BIRC3: variants seen among roughly 807,000 people sequenced by gnomAD.
The protein encoded by BIRC3 is baculoviral IAP repeat-containing protein 3.
In BIRC3, 26 loss-of-function variants were observed where a neutral mutation model predicts 59.0. That is an observed-to-expected ratio of 0.44 (90% CI 0.32 to 0.61). The LOEUF (loss-of-function observed/expected upper bound fraction) is 0.61, where lower values mean the gene tolerates loss of function less well. Among genes scored for constraint, BIRC3 ranks in the 20% least tolerant of loss-of-function variants. BIRC3 has a pLI of 0.04. For synonymous variants in BIRC3, 243 were observed against 249.2 expected, an observed-to-expected ratio of 0.98 and a Z score of 0.24; for missense variants, 641 against 711.5, an observed-to-expected ratio of 0.90 and a Z score of 1.13.
At chr11:102,328,821 T>G in intron 4 of BIRC3, 76 bp from the exon 5 acceptor site, 1 of 569,088 alleles carries the variant, frequency 1.8e-6, no homozygotes, top group Non-Finnish European at 2.5e-6. Context: ...TTGGGTCATT[T>G]TCATTGCAAT....
intron 5 of BIRC3, among the ~76,000 whole-genome samples, chr11:102,329,196 G>A (rs1236746446): frequency 6.6e-6 from 1 of 152,078 alleles, no homozygotes; most frequent in Non-Finnish European, 1.5e-5. Flanking sequence ...CTAAAGGTGG[G>A]GCTCAGGCAT....
At chr11:102,326,973 A>G in intron 3 of BIRC3, 1 of 344,682 alleles carries the variant, frequency 2.9e-6, no homozygotes, top group Non-Finnish European at 5.7e-6. Context: ...GGCCAACATC[A>G]GTGTGTTTTA....
At chr11:102,328,256 A>G in intron 4 of BIRC3, 126 bp downstream of exon 4, 2 of 728,870 alleles carry the variant, frequency 2.7e-6, no homozygotes, top group South Asian at 3.5e-5. Flanking sequence ...TTTTCTTATC[A>G]AACCTGACAT....
At chr11:102,329,345 T>C (rs1951115576) in intron 5 of BIRC3, among the ~76,000 whole-genome samples, 1 of 152,196 alleles carries the variant, frequency 6.6e-6, no homozygotes, top group Non-Finnish European at 1.5e-5. Flanking sequence ...GTCACCTTTT[T>C]AAATAGGGAC....
chr11:102,330,481 T>C (rs1333622111), intron 5 of BIRC3, among the ~76,000 whole-genome samples: 1 of 152,190 alleles, frequency 6.6e-6, no homozygotes, highest in Admixed American at 6.5e-5. Flanking sequence ...GTAAGACACT[T>C]TATTTTGGAT....
intron 6 of BIRC3, among the ~76,000 whole-genome samples, chr11:102,334,046 AC>A (rs1484490147): frequency 4.4e-4 from 67 of 152,272 alleles, no homozygotes; most frequent in Admixed American, 8.5e-4. Flanking sequence ...TTGAAATGAG[AC>A]TTTTTCTCAG....
intron 6 of BIRC3, among the ~76,000 whole-genome samples, 199 bp downstream of exon 6, chr11:102,331,440 T>G (rs1336411140): frequency 6.6e-6 from 1 of 152,248 alleles, no homozygotes; most frequent in Non-Finnish European, 1.5e-5. Flanking sequence ...GTCAAAAATG[T>G]ATGATGTACA....
In BIRC3 at chr11:102,323,961, T is replaced by C. The variant is rs17885946; in HGVS notation, c.-549T>C. On this transcript the variant is annotated 5_prime_UTR_variant, in exon 2 of 9. Transcript: ENST00000263464. ...TATGGTAATGTATTATTTTCCTCCT[T>C]TGAGTTAGGTCTTGTGCTTTTTTTT... is the stretch of plus-strand genomic sequence containing the variant. 2,947 of 205,356 alleles carry C rather than the reference T, an allele frequency of 0.014. 92 individuals are homozygous for C. Among genetic ancestry groups the C allele is most frequent in the African/African-American group, 0.06 (2,612 of 43,894 alleles). The allele number at this position is 205,356 out of a possible 1,614,324, so 12.7% of individuals were successfully genotyped here. A position where few individuals can be genotyped will look rare whatever the true frequency, so the allele number is the denominator to read the frequency against.
intron 5 of BIRC3, among the ~76,000 whole-genome samples, chr11:102,329,804 G>A (rs1951121263): frequency 6.6e-6 from 1 of 152,288 alleles, no homozygotes; most frequent in East Asian, 1.9e-4. Flanking sequence ...GGGGATGTGG[G>A]AGGGATAGCA....
intron 6 of BIRC3, among the ~76,000 whole-genome samples, chr11:102,335,197 G>A (rs776730045): frequency 2.6e-4 from 40 of 152,272 alleles, no homozygotes; most frequent in Non-Finnish European, 5.6e-4. Flanking sequence ...AGCTGAGATC[G>A]CACCACTGCA....
At position 102,331,108 on chromosome 11, in the gene BIRC3, G is replaced by C; in HGVS notation, c.1191G>C (p.Gln397His). 6.2e-7 allele frequency: 1 copy of C among 1,613,768 alleles called. No homozygotes were observed. Among genetic ancestry groups the C allele is most frequent in the Non-Finnish European group, 8.5e-7 (1 of 1,179,858 alleles). Residue 397 changes from glutamine (Q) to histidine (H), a missense_variant, in exon 6 of 9, where the codon CAG becomes CAC. By Grantham distance (24) the Gln-to-His change is conservative. Transcript: ENST00000263464. Reference sequence around the variant, plus strand: ...GCTTTAGTAGAAGCCTGGTAAAACAGACAGTTCAGAGAAAAATCCTAGCAA... The same window carrying C: ...GCTTTAGTAGAAGCCTGGTAAAACACACAGTTCAGAGAAAAATCCTAGCAA... Reference protein sequence around the residue: ...EMGFSRSLVKQTVQRKILATG... With the variant: ...EMGFSRSLVKHTVQRKILATG...
intron 3 of BIRC3, among the ~76,000 whole-genome samples, chr11:102,326,021 A>G (rs1332364797): frequency 6.6e-6 from 1 of 152,162 alleles, no homozygotes; most frequent in Non-Finnish European, 1.5e-5. Flanking sequence ...CATAAGTTAA[A>G]TATTATATCT....
intron 6 of BIRC3, among the ~76,000 whole-genome samples, chr11:102,334,375 T>C (rs1305139254): frequency 1.3e-5 from 2 of 152,238 alleles, no homozygotes; most frequent in Non-Finnish European, 2.9e-5. Flanking sequence ...TTCTAGCTCC[T>C]GACCCTTTTC....
Position 102,331,015 on chromosome 11 carries a change from TGGA to T in BIRC3, c.1100_1102del (p.Gly367del), listed in dbSNP as rs1456566288. ...TCCATATAGTTATCCATTTTGAACC[TGGA>T]GAAGACCATTCAGAAGATGCAATCA... is the stretch of plus-strand genomic sequence containing the variant. On this transcript the variant is annotated inframe_deletion, in exon 6 of 9. Coordinates refer to ENST00000263464, the MANE Select transcript of BIRC3 (RefSeq NM_001165.5). The T allele has an allele frequency of 6.2e-7, 1 of 1,611,506 alleles. No individual in the cohort carries two copies. Among genetic ancestry groups the T allele is most frequent in the Non-Finnish European group, 8.5e-7 (1 of 1,179,108 alleles).
At chr11:102,334,804 C>T (rs541811809) in intron 6 of BIRC3, among the ~76,000 whole-genome samples, 5 of 152,040 alleles carry the variant, frequency 3.3e-5, no homozygotes, top group Non-Finnish European at 7.4e-5. Context: ...TCTTGTAGGA[C>T]GAGAAGGTAG....
At chr11:102,328,972 C>A (rs1951112739) in intron 5 of BIRC3, 27 bp downstream of exon 5, 1 of 1,317,306 alleles carries the variant, frequency 7.6e-7, no homozygotes. Context: ...ATAATGAATG[C>A]ATTTAAATAG....
rs998326954 is a variant in BIRC3 at position 102,336,763 on chromosome 11, A to G, written c.1583A>G (p.Gln528Arg). The G allele has an allele frequency of 1.2e-6, 2 of 1,606,862 alleles. No homozygotes were observed. The highest frequency in any genetic ancestry group is 1.7e-6 in the Non-Finnish European group (2 of 1,176,576). Residue 528 changes from glutamine (Q) to arginine (R), a missense_variant, in exon 8 of 9, where the codon CAA becomes CGA. This residue lies in a region of BIRC3 where 268 missense variants were observed against 255.7 expected (regional missense o/e 1.05). Coordinates refer to ENST00000263464, the MANE Select transcript of BIRC3 (RefSeq NM_001165.5). ...GCTTTTTCTTTTTCTCCCTTAGTGCAACAGGACATAAAATATATTCCCACA... is the reference window on the plus strand; with the variant it reads ...GCTTTTTCTTTTTCTCCCTTAGTGCGACAGGACATAAAATATATTCCCACA... ...EAVLYEHLFV[Q>R]QDIKYIPTED...
Position 102,337,940 on chromosome 11 carries a change from A to T in BIRC3, c.*838A>T. ...GAGACAAGAATCAAACAGTCCCTTT[A>T]GTAAGTTTGTTTATTCACTTCTCTA... On this transcript the variant is annotated 3_prime_UTR_variant, in exon 9 of 9. Transcript: ENST00000263464. 4.4e-6 allele frequency: 1 copy of T among 226,536 alleles called. No individual in the cohort carries two copies. The highest frequency in any genetic ancestry group is 8.8e-6 in the Non-Finnish European group (1 of 113,842). The allele number at this position is 226,536 out of a possible 1,614,324, so 14.0% of individuals were successfully genotyped here.
chr11:102,337,997 C>T lies in BIRC3; in HGVS notation c.*895C>T, dbSNP rs953733478. 2.2e-5 allele frequency: 5 copies of T among 226,512 alleles called. No homozygotes were observed. The highest frequency in any genetic ancestry group is 1.1e-4 in the African/African-American group (5 of 44,980). 14.0% of individuals were successfully genotyped at this position (226,512 alleles called of 1,614,324 possible). On this transcript the variant is annotated 3_prime_UTR_variant, in exon 9 of 9. Transcript: ENST00000263464. ...CATTCAAGAAGTCTCATGCCAGCCC[C>T]ACCTATTGGAAGAAGGTCTGAGTTT...
Sources: allele counts gnomAD v4.1 joint callset (sites outside exome capture counted in the v4.1 genomes callset), GRCh38; gene constraint gnomAD v4.1.1; regional missense constraint gnomAD v4.1.1; transcripts MANE v1.5; gene names NCBI Gene and HGNC (gene_info 2026-07-23, HGNC 2026-07-21).